Variants in STXBP5L observed in about 807,000 individuals in gnomAD.
STXBP5L encodes syntaxin binding protein 5L, also known as syntaxin-binding protein 5-like.
In STXBP5L, 65 loss-of-function variants were observed where a neutral mutation model predicts 144.5. That is an observed-to-expected ratio of 0.45 (90% CI 0.37 to 0.55). The LOEUF (loss-of-function observed/expected upper bound fraction) is 0.55, where lower values mean the gene tolerates loss of function less well. Among genes scored for constraint, STXBP5L ranks in the 20% least tolerant of loss-of-function variants. The probability of loss-of-function intolerance (pLI) is 0.00; values close to 1 mark genes in which losing one functional copy is unlikely to be tolerated. For synonymous variants in STXBP5L, 505 were observed against 469.6 expected (o/e 1.08, Z -0.97); for missense variants, 1,298 against 1,405.5 (o/e 0.92, Z 1.22).
In STXBP5L at chr3:121,233,573, A is replaced by G. The variant is rs2049374915; in HGVS notation, c.1112-43A>G. The G allele has an allele frequency of 2.7e-6, 4 of 1,477,912 alleles. No homozygotes were observed. In the African/African-American group the frequency reaches 4.2e-5, roughly 16 times the overall value. The allele number at this position is 1,477,912 out of a possible 1,614,324, so 91.5% of individuals were successfully genotyped here. Reference sequence around the variant, plus strand: ...AATGCAATTTTGCTGATTTTATAGTATATACAATATGAAAACTTTTCATTT... The same window carrying G: ...AATGCAATTTTGCTGATTTTATAGTGTATACAATATGAAAACTTTTCATTT... On this transcript the variant is annotated intron_variant, in intron 11 of 26. Coordinates refer to ENST00000471454, the MANE Select transcript of STXBP5L (RefSeq NM_001308330.2).
At position 121,017,797 on chromosome 3, in the gene STXBP5L, G is replaced by A. The variant is rs1167478116; in HGVS notation, c.288-23903G>A. On this transcript the variant is annotated intron_variant, in intron 3 of 26. Transcript: ENST00000471454. ...GAAGATCTAAATAAATGGGGGGGTGGTGAAGGTGATGGTTCATGGCTGTAA... is the reference window on the plus strand; with the variant it reads ...GAAGATCTAAATAAATGGGGGGGTGATGAAGGTGATGGTTCATGGCTGTAA... 2.0e-5 allele frequency among the ~76,000 whole-genome samples: 3 copies of A among 152,114 alleles called. No homozygotes were observed. In the East Asian group the frequency reaches 5.8e-4, roughly 29 times the overall value.
intron 5 of STXBP5L, among the ~76,000 whole-genome samples, chr3:121,100,586 A>C (rs557723437): frequency 1.1e-4 from 17 of 152,158 alleles, no homozygotes; most frequent in Non-Finnish European, 2.1e-4. Flanking sequence ...TCTGGGATGC[A>C]ACAAAAGCAA....
At chr3:121,248,022 G>A (rs909379214) in intron 14 of STXBP5L, among the ~76,000 whole-genome samples, 4 of 152,078 alleles carry the variant, frequency 2.6e-5, no homozygotes, top group Admixed American at 6.6e-5. Context: ...TCTGACTGTT[G>A]TACGATGGTA....
intron 11 of STXBP5L, among the ~76,000 whole-genome samples, chr3:121,231,286 T>C (rs2049302060): frequency 6.6e-6 from 1 of 152,224 alleles, no homozygotes; most frequent in Non-Finnish European, 1.5e-5. Flanking sequence ...CATAGCTTGT[T>C]GTCTCATGTC....
chr3:121,205,982 T>C lies in STXBP5L; in HGVS notation c.937T>C (p.Tyr313His). 4 of 1,512,692 alleles carry C rather than the reference T, an allele frequency of 2.6e-6. No individual in the cohort carries two copies. Among genetic ancestry groups the C allele is most frequent in the South Asian group, 1.4e-5 (1 of 70,778 alleles). The allele number at this position is 1,512,692 out of a possible 1,614,324, so 93.7% of individuals were successfully genotyped here. A position where few individuals can be genotyped will look rare whatever the true frequency, so the allele number is the denominator to read the frequency against. Reference sequence around the variant, plus strand: ...TTGTAAACCAATTCTTAAAGTAGAATACAAGACCTGCAAAAACAGGTATGC... The same window carrying C: ...TTGTAAACCAATTCTTAAAGTAGAACACAAGACCTGCAAAAACAGGTATGC... ...ESCKPILKVE[Y>H]KTCKNSEPFI... The change falls in exon 10 of 27, where the codon TAC (tyrosine) becomes CAC (histidine). Residue 313 changes from tyrosine (Y) to histidine (H), a missense_variant. Transcript: ENST00000471454.
At chr3:121,174,216 T>G (rs1293835683) in intron 9 of STXBP5L, among the ~76,000 whole-genome samples, 4 of 152,146 alleles carry the variant, frequency 2.6e-5, no homozygotes, top group Non-Finnish European at 5.9e-5. Flanking sequence ...AAATGGCACC[T>G]GTACATTCTG....
At chr3:120,981,432 C>T (rs759705523) in intron 3 of STXBP5L, among the ~76,000 whole-genome samples, 6 of 152,078 alleles carry the variant, frequency 3.9e-5, no homozygotes, top group Non-Finnish European at 8.8e-5. Context: ...TTAAAAAGCT[C>T]TGTTTTCTAG....
intron 2 of STXBP5L, among the ~76,000 whole-genome samples, chr3:120,952,067 A>G (rs957488648): frequency 1.3e-5 from 2 of 150,384 alleles, no homozygotes; most frequent in East Asian, 4.0e-4. Context: ...AAAAAACCAA[A>G]CACCGCATAT....
intron 3 of STXBP5L, among the ~76,000 whole-genome samples, chr3:120,975,627 T>C (rs2107823950): frequency 6.6e-6 from 1 of 152,342 alleles, no homozygotes; most frequent in Admixed American, 6.5e-5. Context: ...GTGCCAGTTT[T>C]CAAAGGGAAT....
In STXBP5L at chr3:121,310,856, C is replaced by T. The variant is rs540567858; in HGVS notation, c.2111-7619C>T. ...GCTGGGAGGTGAAGGTTGCAGTGAG[C>T]CAAGATCGCACCACTGCACTCCAGC... On this transcript the variant is annotated intron_variant, in intron 19 of 26. Transcript: ENST00000471454. 2.0e-5 allele frequency among the ~76,000 whole-genome samples: 3 copies of T among 152,042 alleles called. No homozygotes were observed. In the East Asian group the frequency reaches 5.8e-4, roughly 29 times the overall value.
rs2051145861 is a variant in STXBP5L at position 121,283,896 on chromosome 3, TGTGTGTGTGTGTGTGTGTG to T, written c.2110+3941_2110+3959del. Among the ~76,000 whole-genome samples the T allele has an allele frequency of 5.0e-5, 5 of 99,748 alleles. No homozygotes were observed. The East Asian group carries it at 1.2e-3, about 25-fold the overall frequency. 65.4% of individuals were successfully genotyped at this position (99,748 alleles called of 152,430 possible). On this transcript the variant is annotated intron_variant, in intron 19 of 26. Transcript: ENST00000471454. ...GATCTCCTACATTTGTGTGTGTGCT[TGTGTGTGTGTGTGTGTGTG>T]TGTGTGTGTGTGTAGACAGAAAAGT...
rs58971239 is a variant in STXBP5L at position 121,098,705 on chromosome 3, G to A, written c.471-16220G>A. On this transcript the variant is annotated intron_variant, in intron 5 of 26. Coordinates refer to ENST00000471454, the MANE Select transcript of STXBP5L (RefSeq NM_001308330.2). Reference sequence around the variant, plus strand: ...GGAATACCTTTGTAGGGTTGGCCTGGCCTGCTCCACTTGCATCTGCAAGGA... The same window carrying A: ...GGAATACCTTTGTAGGGTTGGCCTGACCTGCTCCACTTGCATCTGCAAGGA... Among the ~76,000 whole-genome samples the A allele has an allele frequency of 2.5e-3, 382 of 152,228 alleles. 2 individuals carry two copies. Among genetic ancestry groups the A allele is most frequent in the African/African-American group, 8.5e-3 (352 of 41,540 alleles).
chr3:121,306,361 G>T (rs921346737), intron 19 of STXBP5L, among the ~76,000 whole-genome samples: 1 of 152,108 alleles, frequency 6.6e-6, no homozygotes, highest in African/African-American at 2.4e-5. Flanking sequence ...ATTCCCCAAT[G>T]ACAGGACAGA....
intron 3 of STXBP5L, among the ~76,000 whole-genome samples, chr3:120,976,850 C>T (rs563644157): frequency 0.011 from 1,668 of 152,086 alleles, 15 homozygotes; most frequent in Non-Finnish European, 0.015. Flanking sequence ...TGTAGTTGAG[C>T]GGTTTTGAGT....
chr3:121,068,758 ATTCT>A (rs1576844690), intron 5 of STXBP5L, among the ~76,000 whole-genome samples: 1 of 152,032 alleles, frequency 6.6e-6, no homozygotes, highest in African/African-American at 2.4e-5. Context: ...ATATGTATTT[ATTCT>A]TTCTTTTTAT....
intron 5 of STXBP5L, among the ~76,000 whole-genome samples, chr3:121,049,416 C>G (rs1003390253): frequency 4.6e-5 from 7 of 152,042 alleles, no homozygotes; most frequent in Admixed American, 6.6e-5. Context: ...GGTGGGGGCT[C>G]CTGTGTAAAA....
At chr3:121,107,666 T>C (rs1353637352) in intron 5 of STXBP5L, among the ~76,000 whole-genome samples, 2 of 152,200 alleles carry the variant, frequency 1.3e-5, no homozygotes, top group South Asian at 2.1e-4. Flanking sequence ...GCTTTCTTCT[T>C]TTTGCTTAGA....
intron 19 of STXBP5L, 78 bp downstream of exon 19, chr3:121,280,034 C>T (rs1040997121): frequency 6.7e-7 from 1 of 1,492,198 alleles, no homozygotes; most frequent in Non-Finnish European, 9.0e-7. Context: ...TGTCTTTCTT[C>T]TCTGATACTA....
intron 12 of STXBP5L, among the ~76,000 whole-genome samples, chr3:121,234,156 A>C (rs2049394839): frequency 1.3e-5 from 2 of 152,190 alleles, no homozygotes; most frequent in African/African-American, 4.8e-5. Flanking sequence ...CAACTGTAGA[A>C]TAATGCTATA....
Sources: allele counts gnomAD v4.1 joint callset (sites outside exome capture counted in the v4.1 genomes callset), GRCh38; gene constraint gnomAD v4.1.1; transcripts MANE v1.5; gene names NCBI Gene and HGNC (gene_info 2026-07-23, HGNC 2026-07-21).